Variants in CNBD2 observed in about 807,000 individuals in gnomAD.
CNBD2 encodes cyclic nucleotide binding domain containing 2.
A neutral mutation model predicts 63.7 loss-of-function variants in CNBD2; 64 were observed. The observed-to-expected ratio is 1.00, with a 90% CI of 0.82 to 1.24. The LOEUF (loss-of-function observed/expected upper bound fraction) is 1.24, where lower values mean the gene tolerates loss of function less well. Among genes scored for constraint, CNBD2 ranks in the 50% most tolerant of loss-of-function variants. CNBD2 has a pLI of 0.00. For synonymous variants in CNBD2, 229 were observed against 255.4 expected (o/e 0.90, Z 0.99); for missense variants, 691 against 713.5 (o/e 0.97, Z 0.36).
At chr20:36,008,525 GAGATAATA>G (rs769419393) in intron 9 of CNBD2, 51 bp downstream of exon 9, 90 of 1,530,772 alleles carry the variant, frequency 5.9e-5, no homozygotes, top group Middle Eastern at 5.3e-4. Context: ...GTTGCAAAGG[GAGATAATA>G]CTTATATGGC....
At chr20:35,977,426 T>C (rs187298655) in intron 3 of CNBD2, among the ~76,000 whole-genome samples, 2 of 152,260 alleles carry the variant, frequency 1.3e-5, no homozygotes, top group East Asian at 3.9e-4. Context: ...TCTCAGCACT[T>C]TGGGAGGCCG....
chr20:36,001,769 G>C (rs1452384406), intron 8 of CNBD2, among the ~76,000 whole-genome samples: 3 of 147,964 alleles, frequency 2.0e-5, no homozygotes, highest in Middle Eastern at 3.7e-3. Context: ...GGGTGGCGGG[G>C]CAGAGGCGCT....
intron 9 of CNBD2, 119 bp from the exon 10 acceptor site, chr20:36,011,018 G>A: frequency 9.1e-7 from 1 of 1,095,938 alleles, no homozygotes; most frequent in Non-Finnish European, 1.2e-6. Flanking sequence ...CTTCTGGGAA[G>A]TTGTGAATTC....
At chr20:36,028,304 C>A (rs560834138) in intron 11 of CNBD2, among the ~76,000 whole-genome samples, 1 of 152,130 alleles carries the variant, frequency 6.6e-6, no homozygotes, top group East Asian at 1.9e-4. Flanking sequence ...GCATTTGCGG[C>A]CCTCATCTAG....
chr20:35,955,143 T>C (rs903557506), exon 1 of CNBD2: 4 of 168,042 alleles, frequency 2.4e-5, no homozygotes, highest in African/African-American at 9.7e-5. Context: ...CTAAATGCAT[T>C]GCCCCTTATG....
chr20:36,014,228 A>G (rs1009605829), intron 10 of CNBD2, among the ~76,000 whole-genome samples: 1 of 151,348 alleles, frequency 6.6e-6, no homozygotes, highest in Admixed American at 6.6e-5. Flanking sequence ...GGAAACATAC[A>G]ACTGTTTTGC....
chr20:36,013,026 C>A (rs1328925859), intron 10 of CNBD2, among the ~76,000 whole-genome samples: 2 of 151,980 alleles, frequency 1.3e-5, no homozygotes, highest in East Asian at 3.9e-4. Flanking sequence ...TAAAATTATT[C>A]TCTATGGTAC....
downstream of CNBD2, among the ~76,000 whole-genome samples, chr20:35,960,021 T>C (rs1245489914): frequency 1.3e-5 from 2 of 152,232 alleles, no homozygotes; most frequent in Non-Finnish European, 2.9e-5. Flanking sequence ...ATTATAAGCA[T>C]CTATTACTAT....
downstream of CNBD2, among the ~76,000 whole-genome samples, chr20:35,955,865 G>A (rs572492374): frequency 1.3e-5 from 2 of 152,056 alleles, no homozygotes; most frequent in South Asian, 2.1e-4. Context: ...GATTACAGGC[G>A]CCCACCACCA....
intron 5 of CNBD2, 106 bp from the exon 6 acceptor site, chr20:35,984,521 G>A: frequency 8.2e-7 from 1 of 1,215,080 alleles, no homozygotes; most frequent in Non-Finnish European, 1.2e-6. Context: ...ACAGTCTGGT[G>A]AGGAGAGAAT....
intron 8 of CNBD2, among the ~76,000 whole-genome samples, chr20:36,005,206 G>A (rs1196083088): frequency 6.6e-6 from 1 of 152,174 alleles, no homozygotes; most frequent in Non-Finnish European, 1.5e-5. Context: ...CCAGAGGCTG[G>A]TTTCGTGGAA....
chr20:36,009,660 C>G (rs1321450178), intron 9 of CNBD2, among the ~76,000 whole-genome samples: 1 of 151,862 alleles, frequency 6.6e-6, no homozygotes, highest in Non-Finnish European at 1.5e-5. Flanking sequence ...GGTGAAACCC[C>G]GTCTCTACTA....
intron 10 of CNBD2, among the ~76,000 whole-genome samples, chr20:36,022,972 T>C (rs1339900067): frequency 6.6e-6 from 1 of 152,024 alleles, no homozygotes; most frequent in African/African-American, 2.4e-5. Flanking sequence ...AGAGATTTGC[T>C]CGACAAAAAC....
upstream of CNBD2, among the ~76,000 whole-genome samples, chr20:35,968,436 G>A (rs1429975649): frequency 6.6e-6 from 1 of 152,164 alleles, no homozygotes; most frequent in East Asian, 1.9e-4. Context: ...CCTATGTATG[G>A]AGTTGAGTAA....
chr20:36,013,522 T>C (rs1337520219), intron 10 of CNBD2, among the ~76,000 whole-genome samples: 1 of 152,154 alleles, frequency 6.6e-6, no homozygotes, highest in Non-Finnish European at 1.5e-5. Context: ...TGAAACAATC[T>C]CTGTGAAGGA....
chr20:35,968,927 T>C, intron 1 of CNBD2, 114 bp downstream of exon 1: 1 of 762,290 alleles, frequency 1.3e-6, no homozygotes, highest in Non-Finnish European at 2.2e-6. Context: ...GGCCATCCTG[T>C]ACCTTTTGGA....
intron 10 of CNBD2, among the ~76,000 whole-genome samples, chr20:36,016,757 C>G (rs1404506864): frequency 6.7e-6 from 1 of 149,828 alleles, no homozygotes; most frequent in East Asian, 2.0e-4. Flanking sequence ...CCACTGCACT[C>G]CAGCCTGTGT....
chr20:35,998,942 T>C (rs1024060097), intron 8 of CNBD2, among the ~76,000 whole-genome samples: 1 of 149,858 alleles, frequency 6.7e-6, no homozygotes, highest in African/African-American at 2.5e-5. Flanking sequence ...TAATTATAGA[T>C]ATATTTTTCT....
At chr20:35,995,205 T>A (rs965308935) in intron 8 of CNBD2, 53 bp downstream of exon 8, 7 of 1,232,326 alleles carry the variant, frequency 5.7e-6, no homozygotes, top group Non-Finnish European at 7.2e-6. Context: ...CTGTCCTGTT[T>A]CCAGTTCCCA....
Sources: gnomAD v4.1 joint callset for allele counts (sites outside exome capture counted in the v4.1 genomes callset) on GRCh38, gnomAD v4.1.1 for gene constraint, MANE v1.5 for transcripts, NCBI Gene and HGNC (gene_info 2026-07-23, HGNC 2026-07-21) for gene names.